CCSER1: variants seen among roughly 807,000 people sequenced by gnomAD.
The protein encoded by CCSER1 is coiled-coil serine rich protein 1, also known as serine-rich coiled-coil domain-containing protein 1.
In CCSER1, 41 loss-of-function variants were observed where a neutral mutation model predicts 82.0. The ratio of observed to expected loss-of-function variants is 0.50; its 90% confidence interval spans 0.39 to 0.65. CCSER1 has a LOEUF of 0.65. CCSER1 is among the 30% of genes least tolerant of loss of function. The pLI, the probability that CCSER1 is intolerant of heterozygous loss-of-function variation, is 0.00. For missense variants in CCSER1, 1,119 were observed against 1,064.2 expected (o/e 1.05, Z -0.72); for synonymous variants, 414 against 383.9 (o/e 1.08, Z -0.92).
intron 10 of CCSER1, among the ~76,000 whole-genome samples, chr4:91,485,356 G>A (rs1390875354): frequency 6.6e-6 from 1 of 152,068 alleles, no homozygotes; most frequent in Non-Finnish European, 1.5e-5. Context: ...TTTATGCTAC[G>A]AATAAATGTT....
intron 10 of CCSER1, among the ~76,000 whole-genome samples, chr4:91,589,300 A>G (rs1228891801): frequency 6.6e-6 from 1 of 151,850 alleles, no homozygotes; most frequent in African/African-American, 2.4e-5. Flanking sequence ...CACATTATTT[A>G]ATCATGCTAA....
intron 7 of CCSER1, among the ~76,000 whole-genome samples, chr4:90,798,862 G>C (rs1031013071): frequency 1.3e-5 from 2 of 152,158 alleles, no homozygotes; most frequent in African/African-American, 4.8e-5. Context: ...GCACTGAGGT[G>C]GGGGGAGGCA....
intron 10 of CCSER1, among the ~76,000 whole-genome samples, chr4:91,341,414 ATAAC>A (rs1423520996): frequency 1.3e-5 from 2 of 152,256 alleles, no homozygotes; most frequent in African/African-American, 2.4e-5. Flanking sequence ...GTTTCAGAAT[ATAAC>A]TAACTACAAT....
intron 3 of CCSER1, among the ~76,000 whole-genome samples, chr4:90,367,165 AAG>A (rs1746422601): frequency 6.6e-6 from 1 of 151,850 alleles, no homozygotes; most frequent in East Asian, 1.9e-4. Context: ...GACGGTAACA[AAG>A]AGTGGAACAA....
chr4:90,170,741 T>C (rs763131254), intron 1 of CCSER1, among the ~76,000 whole-genome samples: 4 of 151,950 alleles, frequency 2.6e-5, no homozygotes, highest in Non-Finnish European at 5.9e-5. Context: ...ATTGTATATA[T>C]GTACTATATT....
At chr4:90,321,115 T>A (rs1020679493) in intron 3 of CCSER1, among the ~76,000 whole-genome samples, 5 of 152,138 alleles carry the variant, frequency 3.3e-5, no homozygotes, top group Admixed American at 1.3e-4. Flanking sequence ...CAATAAATAA[T>A]TTTTTCACTA....
At chr4:90,484,781 C>T (rs533153129) in intron 5 of CCSER1, among the ~76,000 whole-genome samples, 7 of 152,180 alleles carry the variant, frequency 4.6e-5, no homozygotes, top group Non-Finnish European at 1.0e-4. Flanking sequence ...TGTCAATCTG[C>T]CCCTACTGGG....
At chr4:90,694,987 A>C in intron 6 of CCSER1, among the ~76,000 whole-genome samples, 1 of 151,190 alleles carries the variant, frequency 6.6e-6, no homozygotes, top group Middle Eastern at 3.4e-3. Flanking sequence ...CTTTATTAAT[A>C]TTACCTTCTT....
intron 7 of CCSER1, among the ~76,000 whole-genome samples, chr4:90,778,054 G>A (rs766081324): frequency 6.6e-6 from 1 of 151,980 alleles, no homozygotes; most frequent in Non-Finnish European, 1.5e-5. Flanking sequence ...TTTAATATCT[G>A]GGGAAATAAA....
chr4:90,225,390 G>A (rs1742978388), intron 1 of CCSER1, among the ~76,000 whole-genome samples: 1 of 151,746 alleles, frequency 6.6e-6, no homozygotes. Flanking sequence ...GTGACTTTCT[G>A]TTACCTATTC....
chr4:90,850,869 G>A (rs1763794234), intron 8 of CCSER1, among the ~76,000 whole-genome samples: 1 of 152,108 alleles, frequency 6.6e-6, no homozygotes, highest in Non-Finnish European at 1.5e-5. Context: ...GGTAGGGGCT[G>A]GGACAGAATG....
intron 3 of CCSER1, among the ~76,000 whole-genome samples, chr4:90,337,620 T>A (rs1252620771): frequency 1.3e-5 from 1 of 78,566 alleles, no homozygotes; most frequent in Non-Finnish European, 2.3e-5. Flanking sequence ...TTGTTTTTAA[T>A]CTTTTTTTTT....
intron 5 of CCSER1, among the ~76,000 whole-genome samples, chr4:90,530,908 T>G (rs1774430283): frequency 6.6e-6 from 1 of 152,124 alleles, no homozygotes; most frequent in African/African-American, 2.4e-5. Flanking sequence ...CTCAAAACTG[T>G]CCCCATAAAC....
rs571115379 is a variant in CCSER1, at chr4:91,526,978, G to C, written c.2218-71594G>C. 1.5e-3 allele frequency among the ~76,000 whole-genome samples: 235 copies of C among 152,170 alleles called. 1 individual carries two copies. Among genetic ancestry groups the C allele is most frequent in the Non-Finnish European group, 2.6e-3 (180 of 68,020 alleles). On this transcript the variant is annotated intron_variant, in intron 10 of 10. Transcript: ENST00000509176. ...CTCCTTTGATGCAGTCATTAGGCCA[G>C]CTCTGAGACTGGCCAGCCCCAACCT...
chr4:90,321,246 A>G (rs1737098088), intron 3 of CCSER1, among the ~76,000 whole-genome samples: 1 of 151,966 alleles, frequency 6.6e-6, no homozygotes, highest in Admixed American at 6.6e-5. Context: ...CCATCATTCT[A>G]TTCTGTATTT....
At chr4:91,419,517 G>C (rs989181746) in intron 10 of CCSER1, among the ~76,000 whole-genome samples, 2 of 151,980 alleles carry the variant, frequency 1.3e-5, no homozygotes, top group African/African-American at 4.8e-5. Context: ...CAAAACATCT[G>C]TACACCTAAA....
intron 5 of CCSER1, among the ~76,000 whole-genome samples, chr4:90,492,353 T>A (rs188626191): frequency 2.0e-5 from 3 of 152,264 alleles, no homozygotes; most frequent in Admixed American, 6.5e-5. Context: ...TCTGTGGGAT[T>A]GGTGGTTATA....
At chr4:90,848,008 C>G (rs1328278609) in intron 8 of CCSER1, among the ~76,000 whole-genome samples, 1 of 152,132 alleles carries the variant, frequency 6.6e-6, no homozygotes, top group African/African-American at 2.4e-5. Context: ...TTAGATAAGA[C>G]TGATGTTTCT....
chr4:91,083,166 G>A (rs1409113492), intron 9 of CCSER1, among the ~76,000 whole-genome samples: 1 of 152,138 alleles, frequency 6.6e-6, no homozygotes, highest in Non-Finnish European at 1.5e-5. Flanking sequence ...CAACCCAAAT[G>A]TCCATCAATG....
Sources: allele counts gnomAD v4.1 joint callset (sites outside exome capture counted in the v4.1 genomes callset), GRCh38; gene constraint gnomAD v4.1.1; transcripts MANE v1.5; gene names NCBI Gene and HGNC (gene_info 2026-07-23, HGNC 2026-07-21).